The following SLC50A1 variants were observed in gnomAD, a reference collection of about 807,000 sequenced individuals.
SLC50A1 encodes the protein solute carrier family 50 member 1, also known as sugar transporter SWEET1.
SLC50A1 carries 22 observed loss-of-function variants against 28.9 expected under a neutral mutation model. The observed-to-expected ratio is 0.76, with a 90% CI of 0.54 to 1.09. The LOEUF is 1.09. Among genes scored for constraint, SLC50A1 ranks in the 50% least tolerant of loss-of-function variants. SLC50A1 has a pLI of 0.00. For missense variants in SLC50A1, 233 were observed against 273.4 expected (o/e 0.85, Z 1.04); for synonymous variants, 96 against 110.6 (o/e 0.87, Z 0.83).
upstream of SLC50A1, chr1:155,135,691 G>C (rs12726330): frequency 9.7e-6 from 15 of 1,550,290 alleles, no homozygotes; most frequent in Non-Finnish European, 1.3e-5. Flanking sequence ...GTCTGGACCA[G>C]GGTACTGGGA....
rs1664592319 is a variant in SLC50A1, at chr1:155,137,968, C to A, written c.445-11C>A. 1 of 1,614,146 alleles carries A rather than the reference C, an allele frequency of 6.2e-7. No homozygotes were observed. The highest frequency in any genetic ancestry group is 8.5e-7 in the Non-Finnish European group (1 of 1,180,034). ...GCTTGGGCCAAGAGAGTCTTCCATT[C>A]TTTCCCACAGGCTAAGGTGATTCAA... On this transcript the variant is annotated splice_polypyrimidine_tract_variant and intron_variant, in intron 4 of 5. Coordinates refer to ENST00000368404, the MANE Select transcript of SLC50A1 (RefSeq NM_018845.4).
At chr1:155,137,874 T>G in intron 4 of SLC50A1, 105 bp from the exon 5 acceptor site, 1 of 1,592,918 alleles carries the variant, frequency 6.3e-7, no homozygotes. Flanking sequence ...AAAGGTTGGG[T>G]GACAGATCAG....
rs778211477 is a variant in SLC50A1 at position 155,137,748 on chromosome 1, GGA to G, written c.444+31_444+32del. ...GTGAGTGGGGGTGTCCAAGGAGGTA[GGA>G]GAGATAAGAGTCAGGCTCTCATAGC... On this transcript the variant is annotated intron_variant, in intron 4 of 5. Transcript: ENST00000368404. The G allele has an allele frequency of 2.9e-5, 46 of 1,613,038 alleles. 1 individual carries two copies. The Middle Eastern group carries it at 5.0e-4, about 17-fold the overall frequency.
Position 155,137,161 on chromosome 1 carries a change from C to A in SLC50A1, c.282+210C>A, listed in dbSNP as rs1664536946. Reference sequence around the variant, plus strand: ...AGGCAAGGCTGGTAGCTCTGCCTAGCCTGAGATGCCTATGCTGCCTGCCCT... The same window carrying A: ...AGGCAAGGCTGGTAGCTCTGCCTAGACTGAGATGCCTATGCTGCCTGCCCT... On this transcript the variant is annotated intron_variant, in intron 3 of 5. Coordinates refer to ENST00000368404, the MANE Select transcript of SLC50A1 (RefSeq NM_018845.4). 4 of 634,326 alleles carry A rather than the reference C, an allele frequency of 6.3e-6. No individual in the cohort carries two copies. The East Asian group carries it at 1.1e-4, about 18-fold the overall frequency. 39.3% of individuals were successfully genotyped at this position (634,326 alleles called of 1,614,324 possible).
chr1:155,136,012 G>T, intron 1 of SLC50A1, 21 bp downstream of exon 1: 1 of 1,613,514 alleles, frequency 6.2e-7, no homozygotes, highest in East Asian at 2.2e-5. Context: ...GGCCGGGCTG[G>T]GTTGGGGAGG....
chr1:155,136,505 A>C, intron 2 of SLC50A1, 129 bp downstream of exon 2: 1 of 859,938 alleles, frequency 1.2e-6, no homozygotes, highest in Non-Finnish European at 1.9e-6. Flanking sequence ...GCACTTTGGG[A>C]GGCCGAGACG....
rs1361954503 is a variant in SLC50A1, at chr1:155,137,988, AT to A, written c.456del (p.Gln153LysfsTer125). On this transcript the variant is annotated frameshift_variant, in exon 5 of 6. Transcript: ENST00000368404. LOFTEE classifies it high-confidence loss of function. ...CCATTCTTTCCCACAGGCTAAGGTGATTCAAACTAAATCAACCCAATGTCTC... is the reference window on the plus strand; with the variant it reads ...CCATTCTTTCCCACAGGCTAAGGTGATCAAACTAAATCAACCCAATGTCTC... ...LSPLADLAKV[I>X]QTKSTQCLSY... 6.2e-7 allele frequency: 1 copy of A among 1,614,084 alleles called. No individual in the cohort carries two copies.
At chr1:155,137,029 A>T in intron 3 of SLC50A1, 78 bp downstream of exon 3, 2 of 1,567,260 alleles carry the variant, frequency 1.3e-6, no homozygotes, top group Non-Finnish European at 8.7e-7. Context: ...TTCCTAGAAG[A>T]CTGTAACAGC....
intron 2 of SLC50A1, 166 bp from the exon 3 acceptor site, chr1:155,136,662 G>A: frequency 9.9e-7 from 1 of 1,011,538 alleles, no homozygotes; most frequent in South Asian, 1.6e-5. Flanking sequence ...AGAATGGCGT[G>A]AACCCAGGAG....
Position 155,137,005 on chromosome 1 carries a change from AGGG to A in SLC50A1, c.282+55_282+57del. On this transcript the variant is annotated intron_variant, in intron 3 of 5. Transcript: ENST00000368404. ...CTGCTGCACGCCCTGCCTTGCTGGC[AGGG>A]CAAACACTATTTCCTAGAAGACTGT... 4.4e-6 allele frequency: 7 copies of A among 1,597,644 alleles called. No homozygotes were observed. The South Asian group carries it at 7.7e-5, about 18-fold the overall frequency.
chr1:155,138,037 C>G lies in SLC50A1; in HGVS notation c.503C>G (p.Thr168Ser), dbSNP rs1025259407. The G allele has an allele frequency of 1.2e-6, 2 of 1,614,044 alleles. No homozygotes were observed. The highest frequency in any genetic ancestry group is 1.7e-6 in the Non-Finnish European group (2 of 1,180,036). Residue 168 changes from threonine (T) to serine (S), a missense_variant, in exon 5 of 6, where the codon ACC becomes AGC. By Grantham distance (58) the Thr-to-Ser change is moderately conservative. Transcript: ENST00000368404. ...CTCTCCTACCCACTCACCATTGCTA[C>G]CCTTCTCACCTCTGCCTCCTGGTGC... The part of the protein sequence containing the change: ...QCLSYPLTIA[T>S]LLTSASWCLY...
Position 155,136,840 on chromosome 1 carries a change from G to A in SLC50A1, c.171G>A (p.Trp57Ter). The part of the protein sequence containing the change: ...FLTTEVNNLG[W>*]LSYGALKGDG... ...CTCCACCCTGCAGCAACCTGGGCTGGCTGAGTTATGGGGCTTTGAAGGGAG... is the reference window on the plus strand; with the variant it reads ...CTCCACCCTGCAGCAACCTGGGCTGACTGAGTTATGGGGCTTTGAAGGGAG... The change falls in exon 3 of 6, where the codon TGG becomes TGA. Residue 57 changes from tryptophan (W) to a stop codon, truncating the protein, a stop_gained. Transcript: ENST00000368404. LOFTEE classifies it high-confidence loss of function. The A allele has an allele frequency of 6.2e-7, 1 of 1,614,178 alleles. No homozygotes were observed. The highest frequency in any genetic ancestry group is 8.5e-7 in the Non-Finnish European group (1 of 1,180,016).
Position 155,137,558 on chromosome 1 carries a change from C to T in SLC50A1, c.283-3C>T, listed in dbSNP as rs1205956587. 9.3e-6 allele frequency: 15 copies of T among 1,613,908 alleles called. No individual in the cohort carries two copies. The highest frequency in any genetic ancestry group is 1.3e-5 in the Non-Finnish European group (15 of 1,179,884). Reference sequence around the variant, plus strand: ...GGAAGTAAGGGTACTCTCTCCCCTGCAGCGTGTTGTGCTCCTACAGACTGC... The same window carrying T: ...GGAAGTAAGGGTACTCTCTCCCCTGTAGCGTGTTGTGCTCCTACAGACTGC... On this transcript the variant is annotated splice_polypyrimidine_tract_variant and splice_region_variant and intron_variant, in intron 3 of 5. Coordinates refer to ENST00000368404, the MANE Select transcript of SLC50A1 (RefSeq NM_018845.4).
chr1:155,138,164 G>A lies in SLC50A1; in HGVS notation c.565-16G>A, dbSNP rs779426788. 3.1e-6 allele frequency: 5 copies of A among 1,614,198 alleles called. No individual in the cohort carries two copies. The highest frequency in any genetic ancestry group is 4.2e-6 in the Non-Finnish European group (5 of 1,180,038). Reference sequence around the variant, plus strand: ...AAAACTGGCTCCTCTCCTCATAGCAGTTCTTGTGATTTCAGGTGTCCAACT... The same window carrying A: ...AAAACTGGCTCCTCTCCTCATAGCAATTCTTGTGATTTCAGGTGTCCAACT... On this transcript the variant is annotated splice_polypyrimidine_tract_variant and intron_variant, in intron 5 of 5. Transcript: ENST00000368404.
intron 2 of SLC50A1, 173 bp from the exon 3 acceptor site, chr1:155,136,655 A>G: frequency 1.1e-6 from 1 of 945,580 alleles, no homozygotes; most frequent in Non-Finnish European, 1.6e-6. Flanking sequence ...AGGCAGGAGA[A>G]TGGCGTGAAC....
In SLC50A1 at chr1:155,138,027, A is replaced by G; in HGVS notation, c.493A>G (p.Thr165Ala). ...KSTQCLSYPL[T>A]IATLLTSASW... is the part of the protein sequence containing the mutation. Reference sequence around the variant, plus strand: ...AACCCAATGTCTCTCCTACCCACTCACCATTGCTACCCTTCTCACCTCTGC... The same window carrying G: ...AACCCAATGTCTCTCCTACCCACTCGCCATTGCTACCCTTCTCACCTCTGC... Residue 165 changes from threonine to alanine, a missense_variant, in exon 5 of 6, where the codon ACC becomes GCC. Physicochemically the swap from Thr to Ala is moderately conservative, Grantham distance 58 (BLOSUM62 0). Transcript: ENST00000368404. 6.2e-7 allele frequency: 1 copy of G among 1,614,066 alleles called. No homozygotes were observed. The highest frequency in any genetic ancestry group is 1.6e-4 in the Middle Eastern group (1 of 6,062).
intron 3 of SLC50A1, 55 bp from the exon 4 acceptor site, chr1:155,137,506 C>T: frequency 6.2e-7 from 1 of 1,604,878 alleles, no homozygotes; most frequent in South Asian, 1.1e-5. Flanking sequence ...TGAATTAACT[C>T]TAGCAGGGAA....
chr1:155,136,264 C>A, intron 1 of SLC50A1, 35 bp from the exon 2 acceptor site: 1 of 1,368,984 alleles, frequency 7.3e-7, no homozygotes, highest in South Asian at 1.2e-5. Flanking sequence ...TTCTCCCTTC[C>A]CACCCCCACC....
Position 155,137,614 on chromosome 1 carries a change from T to C in SLC50A1, c.336T>C (p.Tyr112=), listed in dbSNP as rs745909374. Residue 112 remains tyrosine, a synonymous_variant, in exon 4 of 6, where the codon TAT becomes TAC. Transcript: ENST00000368404. ...ATLLGVLLLG[Y]GYFWLLVPNP... The stretch of plus-strand genomic sequence containing the variant: ...TGCTAGGGGTCCTTCTCCTGGGTTA[T>C]GGCTACTTTTGGCTCCTGGTACCCA... The C allele has an allele frequency of 1.2e-6, 2 of 1,614,232 alleles. No individual in the cohort carries two copies. Among genetic ancestry groups the C allele is most frequent in the Admixed American group, 3.3e-5 (2 of 60,022 alleles).
Sources: allele counts gnomAD v4.1 joint callset, GRCh38; gene constraint gnomAD v4.1.1; transcripts MANE v1.5; gene names NCBI Gene and HGNC (gene_info 2026-07-23, HGNC 2026-07-21).